Variants in NUTF2 observed in about 807,000 individuals in gnomAD.
NUTF2 encodes placental protein 15.
Under a neutral mutation model 18.5 loss-of-function variants are expected in NUTF2, and 3 were observed. That is an observed-to-expected ratio of 0.16 (90% CI 0.07 to 0.42). The LOEUF (loss-of-function observed/expected upper bound fraction) is 0.42, where lower values mean the gene tolerates loss of function less well. NUTF2 is among the 10% of genes least tolerant of loss of function. The pLI is 0.99. For synonymous variants in NUTF2, 51 were observed against 57.9 expected, an observed-to-expected ratio of 0.88 and a Z score of 0.54; for missense variants, 44 against 160.7, an observed-to-expected ratio of 0.27 and a Z score of 3.93.
rs1442498494 is a variant in NUTF2, at chr16:67,865,098, G to GCAGGTCTC, written c.-29-2_-24dup. 1.4e-6 allele frequency: 2 copies of GCAGGTCTC among 1,468,586 alleles called. No individual in the cohort carries two copies. The highest frequency in any genetic ancestry group is 2.8e-5 in the African/African-American group (2 of 71,986). 91.0% of individuals were successfully genotyped at this position (1,468,586 alleles called of 1,614,324 possible). ...CTTCCCTCCTGGTCTCATTGGTCTT[G>GCAGGTCTC]CAGGTCTCCGTGAGGCCGGGTGACG... On this transcript the variant is annotated splice_region_variant and splice_polypyrimidine_tract_variant and intron_variant, in intron 1 of 4. Transcript: ENST00000219169.
intron 1 of NUTF2, among the ~76,000 whole-genome samples, chr16:67,862,514 A>G (rs1419734790): frequency 6.6e-6 from 1 of 151,886 alleles, no homozygotes; most frequent in Non-Finnish European, 1.5e-5. Flanking sequence ...TTCCACCACC[A>G]CTTCAGTCAA....
intron 1 of NUTF2, among the ~76,000 whole-genome samples, chr16:67,863,130 T>C (rs531426712): frequency 6.6e-6 from 1 of 152,306 alleles, no homozygotes; most frequent in African/African-American, 2.4e-5. Context: ...GTACAGCCAG[T>C]GTCTGACCTC....
intron 1 of NUTF2, among the ~76,000 whole-genome samples, chr16:67,862,681 A>G (rs2057942659): frequency 6.6e-6 from 1 of 152,176 alleles, no homozygotes; most frequent in Non-Finnish European, 1.5e-5. Context: ...CAGAAAACAC[A>G]AAAAGCAGCC....
At chr16:67,853,319 G>A (rs1051510234) in intron 1 of NUTF2, among the ~76,000 whole-genome samples, 2 of 151,944 alleles carry the variant, frequency 1.3e-5, no homozygotes, top group Non-Finnish European at 2.9e-5. Context: ...AGCCTCCTGA[G>A]TAGCTGGGAC....
chr16:67,865,115 C>G lies in NUTF2; in HGVS notation c.-16C>G. The G allele has an allele frequency of 6.3e-7, 1 of 1,591,076 alleles. No homozygotes were observed. Among genetic ancestry groups the G allele is most frequent in the Non-Finnish European group, 8.6e-7 (1 of 1,161,044 alleles). ...TTGGTCTTGCAGGTCTCCGTGAGGC[C>G]GGGTGACGCTCCAGAATGGGAGACA... On this transcript the variant is annotated 5_prime_UTR_variant, in exon 2 of 5. Coordinates refer to ENST00000219169, the MANE Select transcript of NUTF2 (RefSeq NM_005796.3).
In NUTF2 at chr16:67,870,473, ATTGTGATCAC is replaced by A. The variant is rs930485404; in HGVS notation, c.271-321_271-312del. 1.4e-5 allele frequency: 4 copies of A among 292,212 alleles called. No homozygotes were observed. The Admixed American group carries it at 2.1e-4, about 16-fold the overall frequency. 18.1% of individuals were successfully genotyped at this position (292,212 alleles called of 1,614,324 possible). ...TAAATACTATGGGATTCGTTTCAAA[ATTGTGATCAC>A]TTGTGTCTGGAGATATGTGCTTGGA... On this transcript the variant is annotated intron_variant, in intron 4 of 4. Coordinates refer to ENST00000219169, the MANE Select transcript of NUTF2 (RefSeq NM_005796.3).
intron 1 of NUTF2, among the ~76,000 whole-genome samples, chr16:67,856,914 T>C (rs1177972270): frequency 6.6e-6 from 1 of 152,216 alleles, no homozygotes; most frequent in East Asian, 1.9e-4. Context: ...TCCTTGTCTA[T>C]AAAGTGAAGA....
intron 1 of NUTF2, among the ~76,000 whole-genome samples, chr16:67,852,760 A>G (rs950211763): frequency 3.3e-5 from 5 of 151,476 alleles, no homozygotes; most frequent in Admixed American, 1.3e-4. Flanking sequence ...GCTCACTGCA[A>G]CCTCTGCCTC....
chr16:67,849,311 A>G (rs931028380), intron 1 of NUTF2, among the ~76,000 whole-genome samples: 5 of 152,176 alleles, frequency 3.3e-5, no homozygotes, highest in African/African-American at 9.6e-5. Flanking sequence ...TAGTTTGCGT[A>G]TTTCATGGCC....
In NUTF2 at chr16:67,871,635, T is replaced by A. The variant is rs2058014121; in HGVS notation, c.*722T>A. The A allele has an allele frequency of 6.6e-6, 1 of 152,270 alleles. No individual in the cohort carries two copies. The highest frequency in any genetic ancestry group is 2.4e-5 in the African/African-American group (1 of 41,462). 9.4% of individuals were successfully genotyped at this position (152,270 alleles called of 1,614,324 possible). Reference sequence around the variant, plus strand: ...GCTCTGGGTAGGTTCAGGGCCCTAGTAGCAGGAGAGATGATCCTGAATCCT... The same window carrying A: ...GCTCTGGGTAGGTTCAGGGCCCTAGAAGCAGGAGAGATGATCCTGAATCCT... On this transcript the variant is annotated 3_prime_UTR_variant, in exon 5 of 5. Transcript: ENST00000219169.
intron 2 of NUTF2, among the ~76,000 whole-genome samples, chr16:67,866,958 G>T (rs980494380): frequency 6.6e-6 from 1 of 151,142 alleles, no homozygotes; most frequent in South Asian, 2.1e-4. Context: ...TGGCACTTGT[G>T]CCTCATTATC....
At chr16:67,859,514 G>A (rs978567959) in intron 1 of NUTF2, among the ~76,000 whole-genome samples, 15 of 151,828 alleles carry the variant, frequency 9.9e-5, no homozygotes, top group Admixed American at 9.9e-4. Flanking sequence ...CTGCCACCAT[G>A]CCCAGCTAAT....
chr16:67,848,762 A>AG (rs1023120254), intron 1 of NUTF2, among the ~76,000 whole-genome samples: 13 of 151,906 alleles, frequency 8.6e-5, no homozygotes, highest in Non-Finnish European at 1.3e-4. Context: ...AAAAAGAAAA[A>AG]AAAAAAAAGC....
chr16:67,856,153 C>G, intron 1 of NUTF2: 1 of 391,492 alleles, frequency 2.6e-6, no homozygotes, highest in Non-Finnish European at 4.8e-6. Flanking sequence ...TTCTGCTACT[C>G]CACATTGGCT....
At chr16:67,859,879 C>T (rs1038043516) in intron 1 of NUTF2, among the ~76,000 whole-genome samples, 1 of 143,892 alleles carries the variant, frequency 6.9e-6, no homozygotes, top group Non-Finnish European at 1.5e-5. Flanking sequence ...GTTCTTAGCT[C>T]ACTGCAGCCT....
At position 67,868,732 on chromosome 16, in the gene NUTF2, CA is replaced by C. The variant is rs1008437609; in HGVS notation, c.270+134del. On this transcript the variant is annotated intron_variant, in intron 4 of 4. Transcript: ENST00000219169. ...AGTGACTGTCTAGAGCTGCGTAGTT[CA>C]GTATGCTAGCCATTAGCCACATGTA... is the stretch of plus-strand genomic sequence containing the variant. The C allele has an allele frequency of 1.8e-4, 144 of 781,800 alleles. 1 individual carries two copies. In the African/African-American group the frequency reaches 2.3e-3, roughly 12 times the overall value. The allele number at this position is 781,800 out of a possible 1,614,324, so 48.4% of individuals were successfully genotyped here. A position where few individuals can be genotyped will look rare whatever the true frequency, so the allele number is the denominator to read the frequency against.
chr16:67,860,615 T>C (rs1374276383), intron 1 of NUTF2, among the ~76,000 whole-genome samples: 1 of 152,220 alleles, frequency 6.6e-6, no homozygotes, highest in African/African-American at 2.4e-5. Context: ...AGTTTCCCTG[T>C]TGGAGGAGTC....
intron 1 of NUTF2, among the ~76,000 whole-genome samples, chr16:67,857,026 A>G (rs1181711236): frequency 1.3e-5 from 2 of 152,212 alleles, no homozygotes; most frequent in Non-Finnish European, 2.9e-5. Flanking sequence ...TGTGGACGCC[A>G]TGGTCATCCC....
chr16:67,851,883 G>A (rs968873642), intron 1 of NUTF2, among the ~76,000 whole-genome samples: 1 of 151,496 alleles, frequency 6.6e-6, no homozygotes, highest in South Asian at 2.1e-4. Context: ...GAGCGTGGTG[G>A]TGCATGCCTG....
Sources: gnomAD v4.1 joint callset for allele counts (sites outside exome capture counted in the v4.1 genomes callset) on GRCh38, gnomAD v4.1.1 for gene constraint, MANE v1.5 for transcripts, NCBI Gene and HGNC (gene_info 2026-07-23, HGNC 2026-07-21) for gene names.